The following SUMO2 variants were observed in gnomAD, a reference collection of about 807,000 sequenced individuals.
SUMO2 encodes small ubiquitin like modifier 2.
Under a neutral mutation model 16.0 loss-of-function variants are expected in SUMO2, and 1 was observed. That is an observed-to-expected ratio of 0.06 (90% CI 0.02 to 0.30). SUMO2 has a LOEUF of 0.30. Among genes scored for constraint, SUMO2 ranks in the 10% least tolerant of loss-of-function variants. The pLI is 1.00. For synonymous variants in SUMO2, 36 were observed against 40.6 expected (o/e 0.89, Z 0.43); for missense variants, 16 against 117.5 (o/e 0.14, Z 3.99).
Position 75,175,214 on chromosome 17 carries a change from C to T in SUMO2, c.154-391G>A, listed in dbSNP as rs551484928. ...GCCAGGCTGGTCTCGAACTCCTAAC[C>T]TCAGGTGCTCCGTCCGCCTCAGCCT... On this transcript the variant is annotated intron_variant, in intron 2 of 3. Coordinates refer to ENST00000420826, the MANE Select transcript of SUMO2 (RefSeq NM_006937.4). Among the ~76,000 whole-genome samples the T allele has an allele frequency of 5.3e-5, 8 of 152,212 alleles. No homozygotes were observed. In the South Asian group the frequency reaches 6.2e-4, roughly 12 times the overall value.
intron 3 of SUMO2, among the ~76,000 whole-genome samples, chr17:75,172,079 G>C (rs1057002772): frequency 6.7e-6 from 1 of 150,180 alleles, no homozygotes; most frequent in African/African-American, 2.5e-5. Context: ...TGACCTCCGC[G>C]CTCACTGCAA....
At chr17:75,182,774 C>G in intron 1 of SUMO2, 40 bp downstream of exon 1, 1 of 1,320,414 alleles carries the variant, frequency 7.6e-7, no homozygotes, top group Non-Finnish European at 9.7e-7. Context: ...GCCATGACCC[C>G]CACCGCGCGG....
chr17:75,181,363 A>C (rs757084410), intron 1 of SUMO2, among the ~76,000 whole-genome samples, 175 bp from the exon 2 acceptor site: 3 of 152,154 alleles, frequency 2.0e-5, no homozygotes, highest in Non-Finnish European at 2.9e-5. Flanking sequence ...AAAATCCTGC[A>C]GTAACAGTAT....
At chr17:75,171,706 C>A (rs2074740110) in intron 3 of SUMO2, among the ~76,000 whole-genome samples, 1 of 152,040 alleles carries the variant, frequency 6.6e-6, no homozygotes. Flanking sequence ...GGTCACGGAT[C>A]CAAACAAATA....
At position 75,174,741 on chromosome 17, in the gene SUMO2, G is replaced by C. The variant is rs1568046913; in HGVS notation, c.225+11C>G. On this transcript the variant is annotated intron_variant, in intron 3 of 3. Coordinates refer to ENST00000420826, the MANE Select transcript of SUMO2 (RefSeq NM_006937.4). ...AATGGTAATTTTTCTAATTAGGAGA[G>C]ATTTTTTTACCTGTGCAGGTGTGTC... 6.2e-7 allele frequency: 1 copy of C among 1,609,914 alleles called. No homozygotes were observed. The highest frequency in any genetic ancestry group is 8.5e-7 in the Non-Finnish European group (1 of 1,178,666).
intron 1 of SUMO2, among the ~76,000 whole-genome samples, chr17:75,181,978 G>A (rs909031642): frequency 4.0e-5 from 6 of 149,256 alleles, no homozygotes; most frequent in African/African-American, 1.5e-4. Context: ...CGCGGGAGGC[G>A]GGGGGTGCCA....
intron 2 of SUMO2, among the ~76,000 whole-genome samples, chr17:75,175,693 T>G (rs975376167): frequency 7.5e-5 from 11 of 146,610 alleles, no homozygotes; most frequent in South Asian, 2.2e-4. Flanking sequence ...AGTGCAGTGG[T>G]GCGATCTTGG....
At chr17:75,168,680 G>A (rs1415785814) in intron 3 of SUMO2, among the ~76,000 whole-genome samples, 3 of 151,750 alleles carry the variant, frequency 2.0e-5, no homozygotes, top group Non-Finnish European at 4.4e-5. Flanking sequence ...TCAGCTCACT[G>A]CAACGTCCAC....
chr17:75,180,117 G>A (rs2145226262), intron 2 of SUMO2, among the ~76,000 whole-genome samples: 1 of 151,932 alleles, frequency 6.6e-6, no homozygotes, highest in Middle Eastern at 3.4e-3. Context: ...AAGGTGGGCG[G>A]ATCACTTGAG....
intron 2 of SUMO2, among the ~76,000 whole-genome samples, chr17:75,176,703 T>C (rs1298210605): frequency 6.6e-6 from 1 of 152,142 alleles, no homozygotes; most frequent in Non-Finnish European, 1.5e-5. Flanking sequence ...AAAGCACCGC[T>C]TTTTAATTTC....
Position 75,174,837 on chromosome 17 carries a change from T to TA in SUMO2, c.154-15dup. 6.2e-7 allele frequency: 1 copy of TA among 1,609,864 alleles called. No individual in the cohort carries two copies. Among genetic ancestry groups the TA allele is most frequent in the Non-Finnish European group, 8.5e-7 (1 of 1,177,856 alleles). On this transcript the variant is annotated splice_polypyrimidine_tract_variant and intron_variant, in intron 2 of 3. Transcript: ENST00000420826. ...CATTGACAATCCCTGAACGAGAATT[T>TA]AAAAGCAATAAACAGCATTAAGAGA... is the stretch of plus-strand genomic sequence containing the variant.
intron 2 of SUMO2, among the ~76,000 whole-genome samples, chr17:75,177,834 A>AACAC (rs1345557173): frequency 5.3e-4 from 3 of 5,682 alleles, no homozygotes; most frequent in Non-Finnish European, 3.9e-3. Flanking sequence ...TTCTACGAAA[A>AACAC]ATAAATTAGC....
At chr17:75,175,664 G>C (rs2074776716) in intron 2 of SUMO2, among the ~76,000 whole-genome samples, 1 of 151,970 alleles carries the variant, frequency 6.6e-6, no homozygotes, top group African/African-American at 2.4e-5. Context: ...ACAGAGTTTT[G>C]CTATGTCGCC....
intron 1 of SUMO2, among the ~76,000 whole-genome samples, chr17:75,182,033 C>T (rs2074833024): frequency 6.6e-6 from 1 of 152,036 alleles, no homozygotes; most frequent in African/African-American, 2.4e-5. Context: ...TGATGGGTGT[C>T]CCCAAGTCCT....
intron 3 of SUMO2, among the ~76,000 whole-genome samples, chr17:75,171,837 TTACTATTTCTTTTAAAAC>T (rs2074741422): frequency 6.6e-6 from 1 of 152,074 alleles, no homozygotes; most frequent in African/African-American, 2.4e-5. Context: ...TAGATACTTT[TTACTATTTCTTTTAAAAC>T]CAAACAAGCC....
intron 3 of SUMO2, among the ~76,000 whole-genome samples, chr17:75,168,801 C>T (rs1050958021): frequency 1.3e-5 from 2 of 152,022 alleles, no homozygotes; most frequent in Admixed American, 6.6e-5. Flanking sequence ...GATGGGGTTT[C>T]GTCATGTTGG....
chr17:75,174,609 TTC>T, intron 3 of SUMO2, 141 bp downstream of exon 3: 1 of 603,470 alleles, frequency 1.7e-6, no homozygotes, highest in Non-Finnish European at 2.8e-6. Flanking sequence ...CTATTTTCCT[TTC>T]TGTTCCCCTC....
intron 2 of SUMO2, among the ~76,000 whole-genome samples, chr17:75,176,228 TG>T (rs1488370066): frequency 6.6e-6 from 1 of 152,022 alleles, no homozygotes; most frequent in Non-Finnish European, 1.5e-5. Context: ...TTAGTAGAGA[TG>T]GGGTTTCACC....
At chr17:75,179,200 G>A (rs1271754215) in intron 2 of SUMO2, among the ~76,000 whole-genome samples, 2 of 152,130 alleles carry the variant, frequency 1.3e-5, no homozygotes, top group Non-Finnish European at 2.9e-5. Flanking sequence ...ATAAGTTCAT[G>A]TAGGGTGATT....
Sources: allele counts gnomAD v4.1 joint callset (sites outside exome capture counted in the v4.1 genomes callset), GRCh38; gene constraint gnomAD v4.1.1; transcripts MANE v1.5; gene names NCBI Gene and HGNC (gene_info 2026-07-23, HGNC 2026-07-21).